The following CPED1 variants were observed in gnomAD, a reference collection of about 807,000 sequenced individuals.
CPED1 encodes the protein cadherin like and PC-esterase domain containing 1.
CPED1 carries 114 observed loss-of-function variants against 128.2 expected under a neutral mutation model. That is an observed-to-expected ratio of 0.89 (90% CI 0.76 to 1.04). The LOEUF (loss-of-function observed/expected upper bound fraction) is 1.04, where lower values mean the gene tolerates loss of function less well. Ranked by LOEUF, CPED1 falls within the 50% of genes least tolerant of loss-of-function variation. CPED1 has a pLI of 0.00. For missense variants in CPED1, 1,211 were observed against 1,207.1 expected, an observed-to-expected ratio of 1.00 and a Z score of -0.05; for synonymous variants, 462 against 426.7, an observed-to-expected ratio of 1.08 and a Z score of -1.02.
intron 2 of CPED1, among the ~76,000 whole-genome samples, chr7:120,995,401 C>T (rs777539519): frequency 7.2e-5 from 11 of 152,146 alleles, no homozygotes; most frequent in Admixed American, 6.5e-5. Flanking sequence ...GGTCTCTTTT[C>T]GAGTTCATTT....
chr7:121,038,612 C>T (rs1381580764), intron 3 of CPED1, among the ~76,000 whole-genome samples: 1 of 151,796 alleles, frequency 6.6e-6, no homozygotes, highest in East Asian at 1.9e-4. Flanking sequence ...AACTGAAGTC[C>T]ATACTTTGTT....
chr7:121,260,800 C>T (rs777160352), intron 18 of CPED1, among the ~76,000 whole-genome samples: 3 of 152,016 alleles, frequency 2.0e-5, no homozygotes, highest in Non-Finnish European at 2.9e-5. Flanking sequence ...TTGAAATCTA[C>T]GTGCACTTTA....
intron 16 of CPED1, among the ~76,000 whole-genome samples, chr7:121,221,550 C>T (rs1797877780): frequency 6.6e-6 from 1 of 152,218 alleles, no homozygotes; most frequent in South Asian, 2.1e-4. Flanking sequence ...CTGTCTTCCA[C>T]AATGGTTGAA....
chr7:121,279,163 A>G (rs564072396), intron 22 of CPED1, among the ~76,000 whole-genome samples: 7 of 152,270 alleles, frequency 4.6e-5, no homozygotes, highest in African/African-American at 1.7e-4. Context: ...TTAGTATATT[A>G]AATAATCCCA....
At chr7:121,257,998 G>A (rs79498775) in intron 18 of CPED1, among the ~76,000 whole-genome samples, 8,463 of 151,922 alleles carry the variant, frequency 0.056, 360 homozygotes, top group Non-Finnish European at 0.075. Context: ...TATACATAAG[G>A]ACAGCAGGAC....
At chr7:121,211,803 TA>T (rs1328086422) in intron 16 of CPED1, among the ~76,000 whole-genome samples, 5 of 152,036 alleles carry the variant, frequency 3.3e-5, no homozygotes, top group African/African-American at 1.2e-4. Flanking sequence ...TGGCCTTGAA[TA>T]AAAGAGTCAT....
At chr7:121,215,632 C>T (rs1221657603) in intron 16 of CPED1, among the ~76,000 whole-genome samples, 1 of 152,024 alleles carries the variant, frequency 6.6e-6, no homozygotes, top group Non-Finnish European at 1.5e-5. Flanking sequence ...TGAGATTTGT[C>T]TTCATATCAT....
chr7:121,162,206 G>A (rs759381769), intron 16 of CPED1, among the ~76,000 whole-genome samples: 2 of 152,216 alleles, frequency 1.3e-5, no homozygotes, highest in Admixed American at 6.5e-5. Context: ...TAAGTGGAAA[G>A]CATATGCCCT....
chr7:121,250,497 C>A (rs1798644583), intron 18 of CPED1, among the ~76,000 whole-genome samples: 1 of 151,990 alleles, frequency 6.6e-6, no homozygotes, highest in Non-Finnish European at 1.5e-5. Flanking sequence ...GAAATAGAGA[C>A]ACAAAAAACC....
chr7:120,994,661 T>TGTGTA (rs1796365741), intron 2 of CPED1, among the ~76,000 whole-genome samples: 1 of 57,952 alleles, frequency 1.7e-5, no homozygotes, highest in Non-Finnish European at 3.8e-5. Flanking sequence ...GTGTGTGTGT[T>TGTGTA]GTTGTTGTTG....
chr7:121,069,373 T>C (rs1391151464), intron 5 of CPED1, among the ~76,000 whole-genome samples: 1 of 152,188 alleles, frequency 6.6e-6, no homozygotes, highest in Admixed American at 6.5e-5. Context: ...GCTGTGCCTT[T>C]TCCCCATATA....
At chr7:121,261,777 A>C in intron 18 of CPED1, 2 of 1,528,014 alleles carry the variant, frequency 1.3e-6, no homozygotes, top group Non-Finnish European at 1.8e-6. Context: ...GAGAGTAATA[A>C]ACTTTAATTG....
chr7:121,147,327 A>C (rs1334556982), intron 16 of CPED1, among the ~76,000 whole-genome samples: 1 of 152,136 alleles, frequency 6.6e-6, no homozygotes, highest in African/African-American at 2.4e-5. Context: ...TACAATCAGA[A>C]GCATGCATTC....
At chr7:121,018,744 C>T (rs542661304) in intron 3 of CPED1, among the ~76,000 whole-genome samples, 118 of 151,998 alleles carry the variant, frequency 7.8e-4, no homozygotes, top group African/African-American at 2.4e-3. Context: ...TCATTGGATC[C>T]GAATTATTTA....
At chr7:121,065,272 A>T (rs1389616380) in intron 5 of CPED1, among the ~76,000 whole-genome samples, 1 of 152,212 alleles carries the variant, frequency 6.6e-6, no homozygotes, top group African/African-American at 2.4e-5. Context: ...TATCTAAACT[A>T]AACAGCTATG....
Position 121,145,256 on chromosome 7 carries a change from G to A in CPED1, c.2055+3115G>A, listed in dbSNP as rs530677915. On this transcript the variant is annotated intron_variant, in intron 16 of 22. Transcript: ENST00000310396. ...TTCCATGACACGTTTCTCCAATGTTGTATTGATCAGAAACAAGTTAATTAT... is the reference window on the plus strand; with the variant it reads ...TTCCATGACACGTTTCTCCAATGTTATATTGATCAGAAACAAGTTAATTAT... Among the ~76,000 whole-genome samples, 34 of 152,038 alleles carry A rather than the reference G, an allele frequency of 2.2e-4. 1 individual carries two copies. In the South Asian group the frequency reaches 6.6e-3, roughly 30 times the overall value.
chr7:121,199,877 A>G (rs1797356639), intron 16 of CPED1, among the ~76,000 whole-genome samples: 1 of 152,136 alleles, frequency 6.6e-6, no homozygotes, highest in Non-Finnish European at 1.5e-5. Flanking sequence ...ATGTTATTGG[A>G]CCAAATATAT....
intron 18 of CPED1, among the ~76,000 whole-genome samples, chr7:121,252,066 C>T (rs918992617): frequency 9.9e-5 from 15 of 151,428 alleles, no homozygotes; most frequent in Non-Finnish European, 1.3e-4. Context: ...TCAAACTATA[C>T]TACAAGGCTA....
intron 5 of CPED1, among the ~76,000 whole-genome samples, chr7:121,088,849 C>T (rs890437706): frequency 6.9e-6 from 1 of 143,998 alleles, no homozygotes; most frequent in African/African-American, 2.5e-5. Flanking sequence ...TTTAGCACTT[C>T]AGATAGGAAG....
Sources: gnomAD v4.1 joint callset for allele counts (sites outside exome capture counted in the v4.1 genomes callset) on GRCh38, gnomAD v4.1.1 for gene constraint, MANE v1.5 for transcripts, NCBI Gene and HGNC (gene_info 2026-07-23, HGNC 2026-07-21) for gene names.